Variants in DHRSX observed in about 807,000 individuals in gnomAD.
DHRSX encodes dehydrogenase/reductase X-linked.
In DHRSX, 31 loss-of-function variants were observed where a neutral mutation model predicts 34.0. That is an observed-to-expected ratio of 0.91 (90% CI 0.69 to 1.23). DHRSX has a LOEUF of 1.23. Ranked by LOEUF, DHRSX falls within the 50% of genes most tolerant of loss-of-function variation. The probability of loss-of-function intolerance (pLI) is 0.00; values close to 1 mark genes in which losing one functional copy is unlikely to be tolerated. For synonymous variants in DHRSX, 201 were observed against 183.8 expected (o/e 1.09, Z -0.76); for missense variants, 414 against 428.1 (o/e 0.97, Z 0.29).
At position 2,291,502 on chromosome X, in the gene DHRSX, C is replaced by T. The variant is rs1489564819; in HGVS notation, c.388G>A (p.Ala130Thr). Reference sequence around the variant, plus strand: ...TTGCTGCAATTTCACCAGGACTCACCATTGTTGATCAGGACATGGAGAGGA... The same window carrying T: ...TTGCTGCAATTTCACCAGGACTCACTATTGTTGATCAGGACATGGAGAGGA... ...KIPLHVLINN[A>T]GVMMVPQRKT... Residue 130 changes from alanine to threonine, a missense_variant and splice_region_variant, in exon 4 of 7, where the codon GCT becomes ACT. By Grantham distance (58) the Ala-to-Thr change is moderately conservative. Coordinates refer to ENST00000334651, the MANE Select transcript of DHRSX (RefSeq NM_145177.3). 3 of 1,612,892 alleles carry T rather than the reference C, an allele frequency of 1.9e-6. No homozygotes were observed. The highest frequency in any genetic ancestry group is 1.7e-5 in the Admixed American group (1 of 59,994).
At chrX:2,250,610 G>C (rs1467246282) in intron 5 of DHRSX, among the ~76,000 whole-genome samples, 1 of 152,072 alleles carries the variant, frequency 6.6e-6, no homozygotes, top group Non-Finnish European at 1.5e-5. Flanking sequence ...ATCATGACCA[G>C]AGAGGATGAC....
chrX:2,232,011 T>TCTCCTCCTTCTTC (rs1420029739), intron 6 of DHRSX, among the ~76,000 whole-genome samples: 4 of 149,060 alleles, frequency 2.7e-5, no homozygotes, highest in African/African-American at 1.0e-4. Flanking sequence ...TCCTCCTTCA[T>TCTCCTCCTTCTTC]CTTCTCCTCC....
chrX:2,313,000 A>ATT (rs1267986050), intron 3 of DHRSX, among the ~76,000 whole-genome samples: 64 of 101,842 alleles, frequency 6.3e-4, no homozygotes, highest in African/African-American at 3.1e-3. Context: ...CAGCTTCAAG[A>ATT]TATATATTTT....
chrX:2,454,054 A>C (rs752940182), intron 1 of DHRSX, among the ~76,000 whole-genome samples: 401 of 152,252 alleles, frequency 2.6e-3, no homozygotes, highest in Non-Finnish European at 3.9e-3. Flanking sequence ...TGTTAACGAA[A>C]AATAAATTTT....
At chrX:2,292,916 CAGA>C (rs2041883999) in intron 3 of DHRSX, among the ~76,000 whole-genome samples, 1 of 152,150 alleles carries the variant, frequency 6.6e-6, no homozygotes, top group Non-Finnish European at 1.5e-5. Flanking sequence ...CCTTCTTCTG[CAGA>C]AGAATAATAA....
intron 3 of DHRSX, among the ~76,000 whole-genome samples, chrX:2,383,835 T>A (rs1438217735): frequency 2.6e-5 from 4 of 152,150 alleles, no homozygotes; most frequent in Non-Finnish European, 4.4e-5. Context: ...AAGACTAGCA[T>A]GAAAGGGACT....
intron 6 of DHRSX, among the ~76,000 whole-genome samples, chrX:2,230,380 G>A (rs868256626): frequency 9.9e-5 from 15 of 152,082 alleles, no homozygotes; most frequent in African/African-American, 3.6e-4. Flanking sequence ...CTACAATCTC[G>A]TAAGACACAC....
intron 5 of DHRSX, among the ~76,000 whole-genome samples, chrX:2,263,516 T>TC (rs2041392041): frequency 6.7e-6 from 1 of 150,004 alleles, no homozygotes; most frequent in Non-Finnish European, 1.5e-5. Flanking sequence ...TTCTTTCTTT[T>TC]TTTTTTTTTT....
intron 3 of DHRSX, among the ~76,000 whole-genome samples, chrX:2,386,731 T>C (rs2043276829): frequency 6.6e-6 from 1 of 152,242 alleles, no homozygotes; most frequent in African/African-American, 2.4e-5. Flanking sequence ...TGCATAAGTT[T>C]AAATCATATT....
chrX:2,489,665 G>C, intron 1 of DHRSX: 1 of 1,612,424 alleles, frequency 6.2e-7, no homozygotes, highest in Non-Finnish European at 8.5e-7. Flanking sequence ...CCCCCACCAG[G>C]AGACGCGGTT....
Position 2,425,241 on chromosome X carries a change from G to C in DHRSX, c.173C>G (p.Ser58Cys). ...VTGGTDGIGY[S>C]TAKHLARLGM... is the part of the protein sequence containing the mutation. Reference sequence around the variant, plus strand: ...AAGTCTCGCCAGATGCTTCGCTGTAGAATAGCCAATGCCATCTGTCCCTCC... The same window carrying C: ...AAGTCTCGCCAGATGCTTCGCTGTACAATAGCCAATGCCATCTGTCCCTCC... The change falls in exon 2 of 7, where the codon TCT becomes TGT. Residue 58 changes from serine to cysteine, a missense_variant. Coordinates refer to ENST00000334651, the MANE Select transcript of DHRSX (RefSeq NM_145177.3). The C allele has an allele frequency of 6.2e-7, 1 of 1,613,780 alleles. No homozygotes were observed. Among genetic ancestry groups the C allele is most frequent in the Non-Finnish European group, 8.5e-7 (1 of 1,179,842 alleles).
At chrX:2,450,110 C>T (rs1314604715) in intron 1 of DHRSX, among the ~76,000 whole-genome samples, 1 of 147,428 alleles carries the variant, frequency 6.8e-6, no homozygotes, top group Non-Finnish European at 1.5e-5. Flanking sequence ...CAAATAAGTG[C>T]ATTCCAATTA....
At chrX:2,382,645 C>T (rs865789831) in intron 3 of DHRSX, among the ~76,000 whole-genome samples, 5 of 23,840 alleles carry the variant, frequency 2.1e-4, no homozygotes, top group South Asian at 1.0e-3. Context: ...ATCACCATCA[C>T]CATCATCACC....
At chrX:2,301,764 G>A in intron 3 of DHRSX, among the ~76,000 whole-genome samples, 1 of 152,034 alleles carries the variant, frequency 6.6e-6, no homozygotes, top group East Asian at 1.9e-4. Context: ...TCAGCCTCCT[G>A]AGTAGCTGGG....
chrX:2,413,583 A>AG (rs2124640983), intron 2 of DHRSX, among the ~76,000 whole-genome samples: 1 of 152,336 alleles, frequency 6.6e-6, no homozygotes, highest in East Asian at 1.9e-4. Flanking sequence ...ATAAGTAAAT[A>AG]GATAATTAAA....
chrX:2,318,825 G>A (rs1258823903), intron 3 of DHRSX, among the ~76,000 whole-genome samples: 2 of 152,002 alleles, frequency 1.3e-5, no homozygotes, highest in African/African-American at 4.8e-5. Flanking sequence ...TAATCAACTT[G>A]CTTTCACTTT....
In DHRSX at chrX:2,314,148, G is replaced by GAAGGAACA. The variant is rs779674808; in HGVS notation, c.287-22553_287-22546dup. On this transcript the variant is annotated intron_variant, in intron 3 of 6. Transcript: ENST00000334651. Reference sequence around the variant, plus strand: ...TCAGTTGATTATGTCCCAGATCTGGGAAGGAACAAAGGAACAAAGGGAGGG... The same window carrying GAAGGAACA: ...TCAGTTGATTATGTCCCAGATCTGGGAAGGAACAAAGGAACAAAGGAACAAAGGGAGGG... 5.3e-3 allele frequency among the ~76,000 whole-genome samples: 724 copies of GAAGGAACA among 137,446 alleles called. 2 individuals are homozygous for GAAGGAACA. Among genetic ancestry groups the GAAGGAACA allele is most frequent in the Non-Finnish European group, 8.3e-3 (536 of 64,692 alleles). 90.2% of individuals were successfully genotyped at this position (137,446 alleles called of 152,430 possible). A position where few individuals can be genotyped will look rare whatever the true frequency, so the allele number is the denominator to read the frequency against.
At chrX:2,283,379 T>C (rs187050920) in intron 4 of DHRSX, among the ~76,000 whole-genome samples, 73 of 151,942 alleles carry the variant, frequency 4.8e-4, no homozygotes, top group African/African-American at 1.7e-3. Context: ...GGAGAGCAGC[T>C]CTGGAAGAGA....
chrX:2,313,036 C>G (rs940582536), intron 3 of DHRSX, among the ~76,000 whole-genome samples: 12 of 150,502 alleles, frequency 8.0e-5, no homozygotes, highest in Non-Finnish European at 1.6e-4. Flanking sequence ...GAGTTTCGCT[C>G]TTGTTGCCCA....
Sources: gnomAD v4.1 joint callset for allele counts (sites outside exome capture counted in the v4.1 genomes callset) on GRCh38, gnomAD v4.1.1 for gene constraint, MANE v1.5 for transcripts, NCBI Gene and HGNC (gene_info 2026-07-23, HGNC 2026-07-21) for gene names.